The following HMGA2 variants were observed in gnomAD, a reference collection of about 807,000 sequenced individuals.
The protein encoded by HMGA2 is high mobility group protein HMGI-C.
A neutral mutation model predicts 19.1 loss-of-function variants in HMGA2; 8 were observed. The observed-to-expected ratio is 0.42, with a 90% CI of 0.25 to 0.76. HMGA2 has a LOEUF of 0.76. Ranked by LOEUF, HMGA2 falls within the 30% of genes least tolerant of loss-of-function variation. The pLI is 0.28. For missense variants in HMGA2, 109 were observed against 136.3 expected (o/e 0.80, Z 1.00); for synonymous variants, 60 against 48.8 (o/e 1.23, Z -0.96).
Position 65,919,635 on chromosome 12 carries a change from A to C in HMGA2, c.250-31748A>C, listed in dbSNP as rs1875232213. ...CTCTGGAAGACAGATAAAGAGAACC[A>C]CGTGAGAAGATATAGCATGTTCTAT... On this transcript the variant is annotated intron_variant, in intron 3 of 4. Transcript: ENST00000403681. Among the ~76,000 whole-genome samples, 4 of 152,366 alleles carry C rather than the reference A, an allele frequency of 2.6e-5. No homozygotes were observed. The South Asian group carries it at 8.3e-4, about 32-fold the overall frequency.
chr12:65,962,859 A>AT (rs57990120), intron 4 of HMGA2, among the ~76,000 whole-genome samples: 3,220 of 152,110 alleles, frequency 0.021, 116 homozygotes, highest in African/African-American at 0.074. Flanking sequence ...CCCTAACTCT[A>AT]TTTTTCTTGT....
At chr12:65,946,040 A>G (rs1336863846) in intron 3 of HMGA2, among the ~76,000 whole-genome samples, 1 of 152,212 alleles carries the variant, frequency 6.6e-6, no homozygotes, top group African/African-American at 2.4e-5. Flanking sequence ...TATTTAACTT[A>G]AAATTTTAAA....
chr12:65,950,178 CA>C (rs751352489), intron 3 of HMGA2, among the ~76,000 whole-genome samples: 7 of 152,136 alleles, frequency 4.6e-5, no homozygotes, highest in Non-Finnish European at 8.8e-5. Context: ...CAAAGAATTA[CA>C]ATATGAACCA....
intron 3 of HMGA2, among the ~76,000 whole-genome samples, chr12:65,921,057 A>G (rs921639385): frequency 8.5e-5 from 13 of 152,218 alleles, no homozygotes; most frequent in African/African-American, 3.1e-4. Context: ...TCAGATGGAG[A>G]TGAGGACCTT....
In HMGA2 at chr12:65,963,511, G is replaced by A; in HGVS notation, c.*219G>A. 1.7e-6 allele frequency: 1 copy of A among 571,800 alleles called. No individual in the cohort carries two copies. Among genetic ancestry groups the A allele is most frequent in the South Asian group, 2.3e-5 (1 of 43,854 alleles). 35.4% of individuals were successfully genotyped at this position (571,800 alleles called of 1,614,324 possible). Reference sequence around the variant, plus strand: ...TCTTTGTAATCCCTTCACAGTCCCAGGTTTAGTGAAAAACTGCTGTAAACA... The same window carrying A: ...TCTTTGTAATCCCTTCACAGTCCCAAGTTTAGTGAAAAACTGCTGTAAACA... On this transcript the variant is annotated 3_prime_UTR_variant, in exon 5 of 5. Coordinates refer to ENST00000403681, the MANE Select transcript of HMGA2 (RefSeq NM_003483.6).
intron 3 of HMGA2, among the ~76,000 whole-genome samples, chr12:65,944,455 C>T (rs925391241): frequency 6.6e-6 from 1 of 152,188 alleles, no homozygotes. Context: ...AACTGGAACA[C>T]CACACCTGGT....
intron 3 of HMGA2, among the ~76,000 whole-genome samples, chr12:65,940,881 G>T (rs539005470): frequency 2.0e-5 from 3 of 152,120 alleles, no homozygotes; most frequent in Non-Finnish European, 4.4e-5. Flanking sequence ...TTTAAATCAC[G>T]TTACAAACTA....
intron 3 of HMGA2, among the ~76,000 whole-genome samples, chr12:65,951,010 C>A (rs1205157286): frequency 6.6e-6 from 1 of 152,096 alleles, no homozygotes; most frequent in African/African-American, 2.4e-5. Context: ...CTCACTGCAG[C>A]CTTGACCTTT....
At chr12:65,920,899 G>C (rs907193084) in intron 3 of HMGA2, among the ~76,000 whole-genome samples, 1 of 152,298 alleles carries the variant, frequency 6.6e-6, no homozygotes, top group African/African-American at 2.4e-5. Context: ...TTTGGAACTG[G>C]GCAACAAGCA....
intron 3 of HMGA2, chr12:65,948,475 G>T (rs1592463505): frequency 6.6e-6 from 1 of 152,180 alleles, no homozygotes; most frequent in Admixed American, 6.5e-5. Flanking sequence ...ACAGCAGTTT[G>T]TTTCCTTTCC....
chr12:65,832,036 A>G (rs1180680419), intron 2 of HMGA2, among the ~76,000 whole-genome samples: 1 of 151,748 alleles, frequency 6.6e-6, no homozygotes. Context: ...TCAGGGCCCT[A>G]TCTGAGGATA....
chr12:65,861,163 C>T (rs544324387), intron 3 of HMGA2, among the ~76,000 whole-genome samples: 6 of 152,244 alleles, frequency 3.9e-5, no homozygotes, highest in Admixed American at 1.3e-4. Context: ...GTCTGGAGTT[C>T]GAGACCATCC....
At chr12:65,883,002 G>C (rs2121106640) in intron 3 of HMGA2, among the ~76,000 whole-genome samples, 1 of 152,362 alleles carries the variant, frequency 6.6e-6, no homozygotes, top group Non-Finnish European at 1.5e-5. Context: ...CTCCAACTAG[G>C]AGGAAGCAGG....
chr12:65,874,245 A>G (rs1646398207), intron 3 of HMGA2: 1 of 150,262 alleles, frequency 6.7e-6, no homozygotes, highest in African/African-American at 2.4e-5. Context: ...AAATTAATAA[A>G]TATATAATAT....
At chr12:65,892,753 A>G (rs1873963917) in intron 3 of HMGA2, among the ~76,000 whole-genome samples, 1 of 152,130 alleles carries the variant, frequency 6.6e-6, no homozygotes, top group South Asian at 2.1e-4. Flanking sequence ...TCCTCAATCC[A>G]TTCATCCTGT....
intron 3 of HMGA2, among the ~76,000 whole-genome samples, chr12:65,861,047 A>T (rs900373087): frequency 1.3e-5 from 2 of 152,198 alleles, no homozygotes; most frequent in Non-Finnish European, 2.9e-5. Context: ...AAATTAAGAA[A>T]AAAACGTGTC....
intron 2 of HMGA2, among the ~76,000 whole-genome samples, chr12:65,830,000 G>C (rs1156486578): frequency 6.6e-6 from 1 of 151,944 alleles, no homozygotes; most frequent in Non-Finnish European, 1.5e-5. Context: ...CAAAACAGAA[G>C]TAGGCTTTCT....
intron 3 of HMGA2, chr12:65,915,289 T>A (rs1289481434): frequency 6.9e-7 from 1 of 1,453,826 alleles, no homozygotes; most frequent in African/African-American, 1.4e-5. Context: ...TTTCTTATGT[T>A]TCCAACTGAA....
intron 3 of HMGA2, among the ~76,000 whole-genome samples, chr12:65,868,313 A>ATT (rs59633297): frequency 1.3e-5 from 2 of 148,730 alleles, no homozygotes; most frequent in Non-Finnish European, 1.5e-5. Context: ...TTCTGGCTTC[A>ATT]TTTTTTTTTT....
Sources: allele counts gnomAD v4.1 joint callset (sites outside exome capture counted in the v4.1 genomes callset), GRCh38; gene constraint gnomAD v4.1.1; transcripts MANE v1.5; gene names NCBI Gene and HGNC (gene_info 2026-07-23, HGNC 2026-07-21).